The following IFT56 variants were observed in gnomAD, a reference collection of about 807,000 sequenced individuals.
The protein encoded by IFT56 is intraflagellar transport 56.
the IFT56 span, chr7:139,172,596 G>T: frequency 6.9e-6 from 4 of 581,284 alleles, no homozygotes; most frequent in Non-Finnish European, 1.4e-5. Context: ...AAGTAATCAC[G>T]GTATTCTGCT....
chr7:139,186,532 C>T, the IFT56 span, among the ~76,000 whole-genome samples: 20,264 of 151,644 alleles, frequency 0.13, 2,624 homozygotes, highest in African/African-American at 0.29. Flanking sequence ...ATGTGTAGTA[C>T]ATTTGGGAAA....
the IFT56 span, chr7:139,134,514 C>T: frequency 3.6e-6 from 3 of 832,360 alleles, no homozygotes; most frequent in African/African-American, 1.8e-5. Flanking sequence ...CGTGATCCGC[C>T]GCCTTCGCCT....
the IFT56 span, among the ~76,000 whole-genome samples, chr7:139,184,255 A>T: frequency 6.6e-6 from 1 of 152,182 alleles, no homozygotes; most frequent in Non-Finnish European, 1.5e-5. Context: ...TCAAGTATGT[A>T]AGAAAACGTT....
At chr7:139,139,578 A>G in the IFT56 span, among the ~76,000 whole-genome samples, 2 of 152,208 alleles carry the variant, frequency 1.3e-5, no homozygotes, top group South Asian at 2.1e-4. Context: ...GGTATCTTGT[A>G]TGTCTTTTTA....
At chr7:139,189,517 G>A in the IFT56 span, 1 of 944,090 alleles carries the variant, frequency 1.1e-6, no homozygotes, top group South Asian at 1.5e-5. Flanking sequence ...TGTGATACAG[G>A]GCTCTGTTTT....
chr7:139,189,680 A>G, the IFT56 span: 1 of 283,492 alleles, frequency 3.5e-6, no homozygotes, highest in Non-Finnish European at 6.6e-6. Flanking sequence ...CTTTCTTCCA[A>G]AAATGCTCAG....
At chr7:139,142,872 C>A in the IFT56 span, among the ~76,000 whole-genome samples, 1 of 152,146 alleles carries the variant, frequency 6.6e-6, no homozygotes, top group Non-Finnish European at 1.5e-5. Flanking sequence ...ATACTATTAT[C>A]TGTTAGGAAA....
At chr7:139,137,678 C>G in the IFT56 span, among the ~76,000 whole-genome samples, 1 of 152,282 alleles carries the variant, frequency 6.6e-6, no homozygotes, top group South Asian at 2.1e-4. Flanking sequence ...ATTTCTGTGA[C>G]AATTAGAAGA....
At chr7:139,140,965 T>C in the IFT56 span, among the ~76,000 whole-genome samples, 955 of 142,372 alleles carry the variant, frequency 6.7e-3, 31 homozygotes, top group African/African-American at 0.025. Flanking sequence ...TTTTTTTTTT[T>C]AAAAGACAGG....
chr7:139,159,072 A>G, the IFT56 span, among the ~76,000 whole-genome samples: 1 of 152,166 alleles, frequency 6.6e-6, no homozygotes. Context: ...CTTTTTTGGT[A>G]TAGTTCTTGT....
the IFT56 span, among the ~76,000 whole-genome samples, chr7:139,146,157 C>A: frequency 6.6e-6 from 1 of 152,088 alleles, no homozygotes; most frequent in African/African-American, 2.4e-5. Flanking sequence ...CAATTCTTTA[C>A]AAAATTTTTA....
chr7:139,160,304 C>G, the IFT56 span, among the ~76,000 whole-genome samples: 1 of 152,112 alleles, frequency 6.6e-6, no homozygotes, highest in African/African-American at 2.4e-5. Flanking sequence ...AAGAATCAAC[C>G]TTAGTTGTTT....
the IFT56 span, chr7:139,189,257 T>G: frequency 8.1e-7 from 1 of 1,231,948 alleles, no homozygotes; most frequent in South Asian, 1.3e-5. Context: ...AGTTCAGAGT[T>G]TATTTTATTT....
At chr7:139,181,040 T>C in the IFT56 span, 1 of 1,144,922 alleles carries the variant, frequency 8.7e-7, no homozygotes, top group Non-Finnish European at 1.3e-6. Flanking sequence ...GAAATTATTT[T>C]TGTACAGTAA....
chr7:139,153,151 G>GA, the IFT56 span, among the ~76,000 whole-genome samples: 39,221 of 132,256 alleles, frequency 0.3, 10,835 homozygotes, highest in African/African-American at 0.71. Context: ...TCCGTCTCCG[G>GA]AAAAAAAAAA....
At chr7:139,162,075 A>G in the IFT56 span, among the ~76,000 whole-genome samples, 5 of 152,238 alleles carry the variant, frequency 3.3e-5, no homozygotes, top group African/African-American at 9.6e-5. Context: ...GATTAAAAAT[A>G]GAAAAATATG....
At chr7:139,189,357 C>A in the IFT56 span, 1 of 1,612,850 alleles carries the variant, frequency 6.2e-7, no homozygotes. Context: ...TACTGAGAAG[C>A]ACAGGTAACA....
the IFT56 span, among the ~76,000 whole-genome samples, chr7:139,142,688 T>G: frequency 1.3e-5 from 2 of 152,120 alleles, no homozygotes; most frequent in Non-Finnish European, 2.9e-5. Flanking sequence ...AAAAATTAGC[T>G]GGGCTTGGTG....
the IFT56 span, among the ~76,000 whole-genome samples, chr7:139,187,698 T>C: frequency 6.6e-6 from 1 of 152,216 alleles, no homozygotes; most frequent in African/African-American, 2.4e-5. Flanking sequence ...TCTGACCATT[T>C]TCCTCCAGAA....
Sources: allele counts gnomAD v4.1 joint callset (sites outside exome capture counted in the v4.1 genomes callset), GRCh38; gene constraint gnomAD v4.1.1; transcripts MANE v1.5; gene names NCBI Gene and HGNC (gene_info 2026-07-23, HGNC 2026-07-21).